FER1L6: variants seen among roughly 807,000 people sequenced by gnomAD.
FER1L6 encodes fer-1-like protein 6.
A neutral mutation model predicts 219.2 loss-of-function variants in FER1L6; 177 were observed. The observed-to-expected ratio is 0.81, with a 90% CI of 0.71 to 0.91. The LOEUF (loss-of-function observed/expected upper bound fraction) is 0.91, where lower values mean the gene tolerates loss of function less well. Ranked by LOEUF, FER1L6 falls within the 40% of genes least tolerant of loss-of-function variation. The pLI, the probability that FER1L6 is intolerant of heterozygous loss-of-function variation, is 0.00. For missense variants in FER1L6, 2,153 were observed against 2,259.9 expected (o/e 0.95, Z 0.96); for synonymous variants, 768 against 824.3 (o/e 0.93, Z 1.17).
chr8:123,894,978 G>A (rs989765197), intron 1 of FER1L6, among the ~76,000 whole-genome samples: 6 of 152,178 alleles, frequency 3.9e-5, no homozygotes, highest in South Asian at 2.1e-4. Context: ...TGAAATATTC[G>A]TTACAAATGA....
intron 1 of FER1L6, among the ~76,000 whole-genome samples, chr8:123,866,170 T>TA (rs1816835593): frequency 6.6e-6 from 1 of 152,080 alleles, no homozygotes; most frequent in Non-Finnish European, 1.5e-5. Flanking sequence ...ATTCCACATA[T>TA]AGGTGAGATT....
intron 39 of FER1L6, among the ~76,000 whole-genome samples, chr8:124,116,899 T>C (rs1017443596): frequency 3.3e-5 from 5 of 152,200 alleles, no homozygotes; most frequent in African/African-American, 1.2e-4. Flanking sequence ...TCCTTAACTC[T>C]GCCTTTCATC....
At chr8:123,966,667 T>A (rs1586528853) in intron 5 of FER1L6, among the ~76,000 whole-genome samples, 1 of 152,342 alleles carries the variant, frequency 6.6e-6, no homozygotes, top group African/African-American at 2.4e-5. Context: ...AACTTAATTA[T>A]TGTTTTTGAA....
intron 2 of FER1L6, among the ~76,000 whole-genome samples, chr8:123,960,187 A>G (rs542227295): frequency 6.6e-6 from 1 of 152,332 alleles, no homozygotes; most frequent in Non-Finnish European, 1.5e-5. Flanking sequence ...AGAACGAGAA[A>G]GTGGAAGGAC....
intron 1 of FER1L6, among the ~76,000 whole-genome samples, chr8:123,872,999 A>G (rs747295643): frequency 2.0e-5 from 3 of 152,190 alleles, no homozygotes; most frequent in Non-Finnish European, 4.4e-5. Context: ...CCAGAGAGTC[A>G]CAAAATCCTG....
At chr8:124,086,473 G>T (rs1330796229) in intron 33 of FER1L6, among the ~76,000 whole-genome samples, 1 of 150,094 alleles carries the variant, frequency 6.7e-6, no homozygotes. Flanking sequence ...AAATAAAACT[G>T]ATGAAAACTC....
intron 39 of FER1L6, among the ~76,000 whole-genome samples, chr8:124,107,098 G>A (rs35587286): frequency 0.018 from 2,793 of 151,752 alleles, 27 homozygotes; most frequent in Middle Eastern, 0.034. Flanking sequence ...ACAGGCGCCC[G>A]CCACCAAGCC....
chr8:124,014,293 G>A (rs1175312877), intron 15 of FER1L6: 1 of 152,712 alleles, frequency 6.5e-6, no homozygotes, highest in Non-Finnish European at 1.5e-5. Context: ...CTTAGGGAAA[G>A]ATGAGGGATG....
chr8:124,075,552 T>G (rs1005268174), intron 31 of FER1L6, among the ~76,000 whole-genome samples: 1 of 152,200 alleles, frequency 6.6e-6, no homozygotes. Flanking sequence ...AAAAGTACAC[T>G]CTAAAGACTA....
At chr8:124,093,588 C>T (rs1212016726) in intron 34 of FER1L6, among the ~76,000 whole-genome samples, 1 of 151,910 alleles carries the variant, frequency 6.6e-6, no homozygotes, top group African/African-American at 2.4e-5. Context: ...TCACAATATA[C>T]TCTATTAAGC....
chr8:123,962,034 T>C (rs1038051504), intron 2 of FER1L6, among the ~76,000 whole-genome samples: 4 of 151,924 alleles, frequency 2.6e-5, no homozygotes, highest in Admixed American at 2.6e-4. Flanking sequence ...GGACTACAGG[T>C]GCCCACCACC....
chr8:124,023,497 A>C lies in FER1L6; in HGVS notation c.2187A>C (p.Arg729Ser). 1.2e-6 allele frequency: 2 copies of C among 1,614,182 alleles called. No individual in the cohort carries two copies. The highest frequency in any genetic ancestry group is 1.7e-6 in the Non-Finnish European group (2 of 1,180,018). Reference protein sequence around the residue: ...VFIWMLSNNRRVAYARIASKD... With the variant: ...VFIWMLSNNRSVAYARIASKD... Reference sequence around the variant, plus strand: ...TCTGGATGCTCAGCAACAACAGGAGAGTGGCCTATGCCCGCATCGCCTCCA... The same window carrying C: ...TCTGGATGCTCAGCAACAACAGGAGCGTGGCCTATGCCCGCATCGCCTCCA... The change falls in exon 18 of 41, where the codon AGA (arginine) becomes AGC (serine). Residue 729 changes from arginine to serine, a missense_variant. Arg to Ser is a moderately radical substitution (Grantham distance 110). Coordinates refer to ENST00000522917, the MANE Select transcript of FER1L6 (RefSeq NM_001039112.2).
chr8:123,865,292 CA>C (rs2130263248), intron 1 of FER1L6, among the ~76,000 whole-genome samples: 1 of 150,098 alleles, frequency 6.7e-6, no homozygotes, highest in African/African-American at 2.5e-5. Context: ...TTAGGCTGCT[CA>C]GGGGTCAGGG....
chr8:124,025,531 G>A (rs1031821781), intron 18 of FER1L6, among the ~76,000 whole-genome samples: 4 of 152,012 alleles, frequency 2.6e-5, no homozygotes, highest in Non-Finnish European at 5.9e-5. Flanking sequence ...TATTCCACTG[G>A]CCTATATATC....
At chr8:123,892,980 G>A (rs1244812556) in intron 1 of FER1L6, among the ~76,000 whole-genome samples, 1 of 152,012 alleles carries the variant, frequency 6.6e-6, no homozygotes, top group Non-Finnish European at 1.5e-5. Context: ...ATGCATTCCA[G>A]GATTGTGTGA....
chr8:124,084,943 G>C (rs756205165), intron 33 of FER1L6, among the ~76,000 whole-genome samples: 2 of 152,028 alleles, frequency 1.3e-5, no homozygotes, highest in Non-Finnish European at 2.9e-5. Flanking sequence ...ACTTGTTATT[G>C]ATCTATTCAG....
chr8:123,958,948 A>C (rs957462351), intron 2 of FER1L6, among the ~76,000 whole-genome samples: 1 of 151,934 alleles, frequency 6.6e-6, no homozygotes, highest in African/African-American at 2.4e-5. Flanking sequence ...GAGCGCATAA[A>C]GTGGGTGAGA....
chr8:124,099,315 A>G (rs1822448366), intron 37 of FER1L6, among the ~76,000 whole-genome samples: 1 of 149,786 alleles, frequency 6.7e-6, no homozygotes, highest in South Asian at 2.2e-4. Flanking sequence ...CTCAAACTGA[A>G]CAAGTCTAAA....
In FER1L6 at chr8:123,963,279, T is replaced by C. The variant is rs551971763; in HGVS notation, c.78T>C (p.Asp26=). ...TTCTTCCTTTGTTTGCTTCTCCAGA[T>C]AGTCAAGGTGACACTGAAGCACTGC... The part of the protein sequence containing the change: ...GLILANKAAK[D]SQGDTEALQE... The change falls in exon 3 of 41, where the codon GAT becomes GAC. Residue 26 remains aspartate (D), a splice_region_variant and synonymous_variant. Transcript: ENST00000522917. 1 of 1,613,894 alleles carries C rather than the reference T, an allele frequency of 6.2e-7. No individual in the cohort carries two copies. The highest frequency in any genetic ancestry group is 1.7e-5 in the Admixed American group (1 of 60,010).
Sources: gnomAD v4.1 joint callset for allele counts (sites outside exome capture counted in the v4.1 genomes callset) on GRCh38, gnomAD v4.1.1 for gene constraint, MANE v1.5 for transcripts, NCBI Gene and HGNC (gene_info 2026-07-23, HGNC 2026-07-21) for gene names.